Variants in NCKAP5 observed in about 807,000 individuals in gnomAD.
NCKAP5 encodes the protein NCK associated protein 5.
A neutral mutation model predicts 167.0 loss-of-function variants in NCKAP5; 92 were observed. The observed-to-expected ratio is 0.55, with a 90% CI of 0.47 to 0.66. NCKAP5 has a LOEUF of 0.66. Ranked by LOEUF, NCKAP5 falls within the 30% of genes least tolerant of loss-of-function variation. The pLI is 0.00. For synonymous variants in NCKAP5, 891 were observed against 877.4 expected, an observed-to-expected ratio of 1.02 and a Z score of -0.27; for missense variants, 2,378 against 2,315.0, an observed-to-expected ratio of 1.03 and a Z score of -0.56.
chr2:132,856,345 A>C (rs1434849482), intron 11 of NCKAP5, among the ~76,000 whole-genome samples: 1 of 152,204 alleles, frequency 6.6e-6, no homozygotes. Flanking sequence ...AGAAAAAAAA[A>C]GCGGAACAAG....
chr2:132,784,655 C>G lies in NCKAP5; in HGVS notation c.2156G>C (p.Cys719Ser). ...TCTTGCAGCAGCTCTTGGCTGTAAACAAGCAATTCCCTGAGGTAAAAGCTC... is the reference window on the plus strand; with the variant it reads ...TCTTGCAGCAGCTCTTGGCTGTAAAGAAGCAATTCCCTGAGGTAAAAGCTC... ...HTELLPQGIA[C>S]LQPRAAARDY... Residue 719 changes from cysteine (C) to serine (S), a missense_variant, in exon 14 of 20, where the codon TGT becomes TCT. By Grantham distance (112) the Cys-to-Ser change is moderately radical. Coordinates refer to ENST00000409261, the MANE Select transcript of NCKAP5 (RefSeq NM_207363.3). 6.2e-7 allele frequency: 1 copy of G among 1,613,884 alleles called. No individual in the cohort carries two copies.
At chr2:133,587,271 A>C in the NCKAP5 span, among the ~76,000 whole-genome samples, 1 of 152,064 alleles carries the variant, frequency 6.6e-6, no homozygotes, top group Admixed American at 6.6e-5. Flanking sequence ...TCAGGCCTGC[A>C]AAATGGAGAC....
At chr2:133,330,962 A>G (rs1682812332) in intron 3 of NCKAP5, among the ~76,000 whole-genome samples, 1 of 152,190 alleles carries the variant, frequency 6.6e-6, no homozygotes, top group Admixed American at 6.5e-5. Flanking sequence ...TTTAATACAT[A>G]CACAGACATA....
rs1683339455 is a variant in NCKAP5, at chr2:132,784,220, T to C, written c.2591A>G (p.His864Arg). 1 of 1,594,364 alleles carries C rather than the reference T, an allele frequency of 6.3e-7. No individual in the cohort carries two copies. Among genetic ancestry groups the C allele is most frequent in the Non-Finnish European group, 8.5e-7 (1 of 1,171,932 alleles). ...AAGTTGGGCGGAATGTTTTGGAATG[T>C]GTGGATCTGATCGTAATTCAAAGAG... The part of the protein sequence containing the change: ...GPLFELRSDP[H>R]IPKHSAQLPH... Residue 864 changes from histidine (H) to arginine (R), a missense_variant, in exon 14 of 20, where the codon CAC becomes CGC. Coordinates refer to ENST00000409261, the MANE Select transcript of NCKAP5 (RefSeq NM_207363.3).
intron 2 of NCKAP5, among the ~76,000 whole-genome samples, chr2:133,546,918 C>G (rs1368783803): frequency 6.6e-6 from 1 of 152,176 alleles, no homozygotes; most frequent in South Asian, 2.1e-4. Flanking sequence ...CAGCTCCCAG[C>G]GTGAGCAACA....
intron 4 of NCKAP5, among the ~76,000 whole-genome samples, chr2:133,267,061 T>G (rs2089276196): frequency 6.6e-6 from 1 of 151,002 alleles, no homozygotes; most frequent in Non-Finnish European, 1.5e-5. Flanking sequence ...CTGACAAATC[T>G]CCGCCTGGAG....
chr2:133,460,071 CT>C (rs1242623816), intron 3 of NCKAP5, among the ~76,000 whole-genome samples: 1 of 152,162 alleles, frequency 6.6e-6, no homozygotes, highest in Non-Finnish European at 1.5e-5. Context: ...GTGACTAATG[CT>C]TAGTTTTATG....
intron 2 of NCKAP5, among the ~76,000 whole-genome samples, chr2:133,547,936 C>T (rs1351232463): frequency 1.4e-3 from 197 of 144,748 alleles, no homozygotes; most frequent in African/African-American, 4.8e-3. Context: ...CTCTGAGCTA[C>T]GGGAGGACAT....
chr2:132,820,031 C>T (rs1300894868), intron 11 of NCKAP5, among the ~76,000 whole-genome samples: 1 of 152,122 alleles, frequency 6.6e-6, no homozygotes, highest in Non-Finnish European at 1.5e-5. Flanking sequence ...TCTTCCCTTC[C>T]TTCATTTTAT....
intron 3 of NCKAP5, among the ~76,000 whole-genome samples, chr2:133,492,132 C>T (rs955579768): frequency 5.6e-5 from 4 of 71,536 alleles, no homozygotes; most frequent in Admixed American, 5.4e-4. Flanking sequence ...GTATCCTATG[C>T]CATATCTAGT....
At chr2:133,166,634 C>A (rs1221631649) in intron 5 of NCKAP5, among the ~76,000 whole-genome samples, 1 of 152,138 alleles carries the variant, frequency 6.6e-6, no homozygotes, top group Non-Finnish European at 1.5e-5. Flanking sequence ...ATTCCTGTTT[C>A]ATCTTAATCA....
At chr2:133,338,948 A>G (rs527900318) in intron 3 of NCKAP5, among the ~76,000 whole-genome samples, 1 of 152,284 alleles carries the variant, frequency 6.6e-6, no homozygotes, top group South Asian at 2.1e-4. Context: ...TGAACCTGGG[A>G]GGTTGAGGCT....
At position 132,756,684 on chromosome 2, in the gene NCKAP5, T is replaced by C. The variant is rs998766103; in HGVS notation, c.5128+17132A>G. Among the ~76,000 whole-genome samples, 8 of 152,316 alleles carry C rather than the reference T, an allele frequency of 5.3e-5. No individual in the cohort carries two copies. The South Asian group carries it at 1.7e-3, about 32-fold the overall frequency. On this transcript the variant is annotated intron_variant, in intron 16 of 19. Transcript: ENST00000409261. ...GAAGCAGAATTATAGATAAATACTT[T>C]GAGACCAGGAAAACATTTTGACTGG...
chr2:133,166,029 G>A (rs1051915112), intron 5 of NCKAP5, among the ~76,000 whole-genome samples: 1 of 152,082 alleles, frequency 6.6e-6, no homozygotes, highest in Non-Finnish European at 1.5e-5. Context: ...TGTTTTCAGG[G>A]ACCGCCAGAA....
chr2:133,280,498 C>T (rs778693432), intron 4 of NCKAP5, among the ~76,000 whole-genome samples: 2 of 152,054 alleles, frequency 1.3e-5, no homozygotes, highest in Non-Finnish European at 2.9e-5. Flanking sequence ...CCTCCACCTC[C>T]CAGGCTCGAG....
intron 3 of NCKAP5, among the ~76,000 whole-genome samples, chr2:133,472,855 T>C (rs1821624): frequency 0.32 from 49,297 of 151,956 alleles, 8,533 homozygotes; most frequent in East Asian, 0.39. Flanking sequence ...CATCAAGTCC[T>C]CTGCAGTGCT....
At chr2:133,210,319 A>G (rs1246027344) in intron 5 of NCKAP5, among the ~76,000 whole-genome samples, 1 of 151,916 alleles carries the variant, frequency 6.6e-6, no homozygotes, top group East Asian at 1.9e-4. Flanking sequence ...CATGCTTTGT[A>G]TTGAAGATTT....
chr2:133,352,865 T>C (rs1684462185), intron 3 of NCKAP5, among the ~76,000 whole-genome samples: 1 of 152,192 alleles, frequency 6.6e-6, no homozygotes. Flanking sequence ...TCAATTTGAA[T>C]GAAATTTCCA....
intron 3 of NCKAP5, among the ~76,000 whole-genome samples, chr2:133,474,148 C>T (rs1034678075): frequency 1.8e-3 from 261 of 143,878 alleles, no homozygotes; most frequent in African/African-American, 7.4e-3. Context: ...ATCTATCTAT[C>T]TATCTATACA....
Sources: gnomAD v4.1 joint callset for allele counts (sites outside exome capture counted in the v4.1 genomes callset) on GRCh38, gnomAD v4.1.1 for gene constraint, MANE v1.5 for transcripts, NCBI Gene and HGNC (gene_info 2026-07-23, HGNC 2026-07-21) for gene names.